Variants in IGLL5 observed in about 807,000 individuals in gnomAD.
IGLL5 encodes the protein immunoglobulin lambda like polypeptide 5.
Under a neutral mutation model 20.9 loss-of-function variants are expected in IGLL5, and 30 were observed. The ratio of observed to expected loss-of-function variants is 1.44; its 90% confidence interval spans 1.07 to 1.95. The LOEUF is 1.95. Ranked by LOEUF, IGLL5 falls within the 30% of genes most tolerant of loss-of-function variation. IGLL5 has a pLI of 0.00. For missense variants in IGLL5, 475 were observed against 270.7 expected, an observed-to-expected ratio of 1.75 and a Z score of -5.30; for synonymous variants, 203 against 117.3, an observed-to-expected ratio of 1.73 and a Z score of -4.72.
chr22:22,889,601 T>C (rs1272657659), intron 1 of IGLL5, among the ~76,000 whole-genome samples: 3 of 151,334 alleles, frequency 2.0e-5, no homozygotes, highest in Admixed American at 6.6e-5. Context: ...GTTGTTGTTT[T>C]TGTTTTGAAA....
intron 2 of IGLL5, among the ~76,000 whole-genome samples, chr22:22,894,347 GGC>G: frequency 6.6e-6 from 1 of 151,540 alleles, no homozygotes; most frequent in Admixed American, 6.6e-5. Flanking sequence ...GCACAGAGAG[GGC>G]TCTGGGTCTA....
At position 22,895,872 on chromosome 22, in the gene IGLL5, TAGCC is replaced by T; in HGVS notation, c.*179_*182del. The T allele has an allele frequency of 1.4e-6, 1 of 696,216 alleles. No individual in the cohort carries two copies. The highest frequency in any genetic ancestry group is 1.8e-5 in the South Asian group (1 of 54,454). 43.1% of individuals were successfully genotyped at this position (696,216 alleles called of 1,614,324 possible). On this transcript the variant is annotated 3_prime_UTR_variant, in exon 3 of 3. Coordinates refer to ENST00000526893, the MANE Select transcript of IGLL5 (RefSeq NM_001178126.2). ...TCATTTTTTTTCTCACATAAATTGC[TAGCC>T]TCCCCGGGGTTCTCAGTGTGGGGTA...
At chr22:22,893,978 T>C (rs2067960424) in intron 2 of IGLL5, among the ~76,000 whole-genome samples, 160 bp downstream of exon 2, 4 of 151,266 alleles carry the variant, frequency 2.6e-5, no homozygotes, top group Middle Eastern at 3.8e-3. Context: ...AGTCTCCGGG[T>C]AACCGGCAGG....
chr22:22,887,952 G>A lies in IGLL5; in HGVS notation c.-102G>A, dbSNP rs189019465. 6 of 899,758 alleles carry A rather than the reference G, an allele frequency of 6.7e-6. No individual in the cohort carries two copies. Among genetic ancestry groups the A allele is most frequent in the African/African-American group, 1.7e-5 (1 of 60,362 alleles). The allele number at this position is 899,758 out of a possible 1,614,324, so 55.7% of individuals were successfully genotyped here. Reference sequence around the variant, plus strand: ...GGAGAGGACAGAGCCAATGGACTGGGGTGTACTGTAACAGCCCTGCTGGCG... The same window carrying A: ...GGAGAGGACAGAGCCAATGGACTGGAGTGTACTGTAACAGCCCTGCTGGCG... On this transcript the variant is annotated 5_prime_UTR_variant, in exon 1 of 3. Transcript: ENST00000526893.
At chr22:22,888,450 C>T (rs539655132) in intron 1 of IGLL5, among the ~76,000 whole-genome samples, 191 bp downstream of exon 1, 4 of 151,438 alleles carry the variant, frequency 2.6e-5, no homozygotes, top group South Asian at 2.1e-4. Context: ...TTTTTAATAT[C>T]ATATTACGAT....
In IGLL5 at chr22:22,887,952, G is replaced by T; in HGVS notation, c.-102G>T. ...GGAGAGGACAGAGCCAATGGACTGG[G>T]GTGTACTGTAACAGCCCTGCTGGCG... On this transcript the variant is annotated 5_prime_UTR_variant, in exon 1 of 3. Coordinates refer to ENST00000526893, the MANE Select transcript of IGLL5 (RefSeq NM_001178126.2). 1.1e-6 allele frequency: 1 copy of T among 899,758 alleles called. No homozygotes were observed. Among genetic ancestry groups the T allele is most frequent in the South Asian group, 1.4e-5 (1 of 70,648 alleles). 55.7% of individuals were successfully genotyped at this position (899,758 alleles called of 1,614,324 possible).
chr22:22,892,960 A>T (rs188690897), intron 1 of IGLL5, among the ~76,000 whole-genome samples: 35 of 151,156 alleles, frequency 2.3e-4, no homozygotes, highest in African/African-American at 6.5e-4. Flanking sequence ...GGGGATGGGG[A>T]AGAACTGCAG....
At chr22:22,889,167 G>C (rs1487209876) in intron 1 of IGLL5, among the ~76,000 whole-genome samples, 1 of 151,086 alleles carries the variant, frequency 6.6e-6, no homozygotes, top group Admixed American at 6.6e-5. Context: ...AGGGAGGAGA[G>C]GGGGTGATGG....
At chr22:22,889,201 C>G (rs2067696157) in intron 1 of IGLL5, among the ~76,000 whole-genome samples, 1 of 150,902 alleles carries the variant, frequency 6.6e-6, no homozygotes, top group Admixed American at 6.6e-5. Context: ...AGGTGGGGAT[C>G]CTGGAGGAAG....
At position 22,895,357 on chromosome 22, in the gene IGLL5, C is replaced by A. The variant is rs201696268; in HGVS notation, c.326-18C>A. Reference sequence around the variant, plus strand: ...GTATTCTGTCTGCCCTCTCTCACCCCCTTCCCTGTCCACACAGGTCAGCCC... The same window carrying A: ...GTATTCTGTCTGCCCTCTCTCACCCACTTCCCTGTCCACACAGGTCAGCCC... On this transcript the variant is annotated intron_variant, in intron 2 of 2. Transcript: ENST00000526893. 1,513 of 1,609,880 alleles carry A rather than the reference C, an allele frequency of 9.4e-4. 4 individuals carry two copies. The highest frequency in any genetic ancestry group is 6.8e-3 in the Middle Eastern group (40 of 5,922).
chr22:22,894,085 A>G (rs746437955), intron 2 of IGLL5, among the ~76,000 whole-genome samples: 7 of 151,384 alleles, frequency 4.6e-5, no homozygotes, highest in East Asian at 4.0e-4. Context: ...TCCAGGGCAG[A>G]TGTCTGAGTG....
chr22:22,888,310 G>A (rs181297529), intron 1 of IGLL5, 51 bp downstream of exon 1: 8 of 1,522,168 alleles, frequency 5.3e-6, no homozygotes, highest in Non-Finnish European at 7.1e-6. Flanking sequence ...GCAGAGCTGG[G>A]AAAGGGTGAC....
intron 2 of IGLL5, 102 bp downstream of exon 2, chr22:22,893,920 TAAGCA>T: frequency 1.2e-6 from 1 of 843,238 alleles, no homozygotes. Context: ...CTCCCAGCCT[TAAGCA>T]CTGACCCTTA....
At chr22:22,895,230 A>G (rs2066733401) in intron 2 of IGLL5, 145 bp from the exon 3 acceptor site, 2 of 751,098 alleles carry the variant, frequency 2.7e-6, no homozygotes, top group South Asian at 1.7e-5. Context: ...ATGAGTGGAA[A>G]GGATGGGGAA....
At chr22:22,891,423 T>A (rs1222527745) in intron 1 of IGLL5, among the ~76,000 whole-genome samples, 2 of 151,352 alleles carry the variant, frequency 1.3e-5, no homozygotes, top group African/African-American at 2.4e-5. Context: ...GCCCACCCTG[T>A]TTTGATTATT....
At chr22:22,892,604 T>C (rs1310501341) in intron 1 of IGLL5, among the ~76,000 whole-genome samples, 2 of 151,008 alleles carry the variant, frequency 1.3e-5, no homozygotes, top group East Asian at 2.0e-4. Flanking sequence ...GAGCAAGTTA[T>C]ACAGAAAGAA....
At chr22:22,888,432 A>T (rs570251859) in intron 1 of IGLL5, among the ~76,000 whole-genome samples, 173 bp downstream of exon 1, 1 of 151,276 alleles carries the variant, frequency 6.6e-6, no homozygotes, top group Admixed American at 6.6e-5. Context: ...GATTTGTTTG[A>T]ATTACTGTTT....
intron 2 of IGLL5, among the ~76,000 whole-genome samples, chr22:22,894,139 A>C (rs890284192): frequency 2.6e-5 from 4 of 151,434 alleles, no homozygotes; most frequent in East Asian, 2.0e-4. Flanking sequence ...CAGTGTCCTT[A>C]GGGACATTGC....
intron 2 of IGLL5, among the ~76,000 whole-genome samples, chr22:22,895,113 A>T (rs1316426907): frequency 6.6e-6 from 1 of 151,440 alleles, no homozygotes; most frequent in African/African-American, 2.4e-5. Context: ...CCCTGGGTAT[A>T]TGGAGAAATT....
Sources: allele counts gnomAD v4.1 joint callset (sites outside exome capture counted in the v4.1 genomes callset), GRCh38; gene constraint gnomAD v4.1.1; transcripts MANE v1.5; gene names NCBI Gene and HGNC (gene_info 2026-07-23, HGNC 2026-07-21).